The following COG6 variants were observed in gnomAD, a reference collection of about 807,000 sequenced individuals.
COG6 encodes the protein component of oligomeric golgi complex 6.
In COG6, 74 loss-of-function variants were observed where a neutral mutation model predicts 88.8. The ratio of observed to expected loss-of-function variants is 0.83; its 90% CI spans 0.69 to 1.01. The LOEUF (loss-of-function observed/expected upper bound fraction) is 1.01, where lower values mean the gene tolerates loss of function less well. Among genes scored for constraint, COG6 ranks in the 50% least tolerant of loss-of-function variants. COG6 has a pLI of 0.00. For synonymous variants in COG6, 286 were observed against 278.7 expected (o/e 1.03, Z -0.26); for missense variants, 800 against 797.9 (o/e 1.00, Z -0.03).
At chr13:39,681,714 T>A (rs1876325348) in intron 7 of COG6, among the ~76,000 whole-genome samples, 2 of 152,178 alleles carry the variant, frequency 1.3e-5, no homozygotes, top group Non-Finnish European at 2.9e-5. Context: ...AGTTTAAAAT[T>A]CAAACTCTTT....
At chr13:39,728,746 T>A (rs1277820071) in intron 18 of COG6, among the ~76,000 whole-genome samples, 1 of 151,678 alleles carries the variant, frequency 6.6e-6, no homozygotes, top group East Asian at 1.9e-4. Flanking sequence ...CTCAGTGCAA[T>A]CTCTGCCTCC....
chr13:39,675,113 C>T (rs1395124093), intron 4 of COG6, among the ~76,000 whole-genome samples: 1 of 151,902 alleles, frequency 6.6e-6, no homozygotes, highest in Non-Finnish European at 1.5e-5. Flanking sequence ...ATATAATATA[C>T]AGTGATTGCA....
intron 18 of COG6, among the ~76,000 whole-genome samples, chr13:39,739,924 A>G (rs1014019651): frequency 2.6e-5 from 4 of 152,178 alleles, no homozygotes; most frequent in Non-Finnish European, 2.9e-5. Flanking sequence ...GCCAGATTCA[A>G]AATTAACATA....
chr13:39,711,673 G>C lies in COG6; in HGVS notation c.1285-7563G>C, dbSNP rs185703739. 8.9e-4 allele frequency among the ~76,000 whole-genome samples: 135 copies of C among 152,222 alleles called. 1 individual carries two copies. The highest frequency in any genetic ancestry group is 1.0e-3 in the Non-Finnish European group (68 of 68,018). ...CTTAGGCTCATTAGGATTAAATGAAGATCACATGTAAAATACATGGTACAG... is the reference window on the plus strand; with the variant it reads ...CTTAGGCTCATTAGGATTAAATGAACATCACATGTAAAATACATGGTACAG... On this transcript the variant is annotated intron_variant, in intron 13 of 18. Coordinates refer to ENST00000455146, the MANE Select transcript of COG6 (RefSeq NM_020751.3).
At chr13:39,698,042 G>A (rs1478024052) in intron 12 of COG6, among the ~76,000 whole-genome samples, 1 of 151,826 alleles carries the variant, frequency 6.6e-6, no homozygotes. Flanking sequence ...AGGCATGTTG[G>A]ATAGAAATAT....
chr13:39,711,591 TTCC>T (rs559530195), intron 13 of COG6, among the ~76,000 whole-genome samples: 6 of 152,234 alleles, frequency 3.9e-5, no homozygotes, highest in African/African-American at 1.4e-4. Flanking sequence ...ATATTATTCC[TTCC>T]TCCTCCTTCT....
At chr13:39,719,214 G>A (rs1878707357) in intron 13 of COG6, 22 bp from the exon 14 acceptor site, 1 of 1,610,068 alleles carries the variant, frequency 6.2e-7, no homozygotes, top group African/African-American at 1.3e-5. Context: ...ATAAGGAGTG[G>A]GTAAATCATC....
chr13:39,731,872 T>C (rs1290135125), intron 18 of COG6, among the ~76,000 whole-genome samples: 1 of 152,032 alleles, frequency 6.6e-6, no homozygotes, highest in Non-Finnish European at 1.5e-5. Context: ...TGGACAGCTG[T>C]GAACTGAATG....
At chr13:39,727,777 TA>T (rs1241420732) in intron 18 of COG6, among the ~76,000 whole-genome samples, 2 of 152,160 alleles carry the variant, frequency 1.3e-5, no homozygotes, top group Non-Finnish European at 1.5e-5. Flanking sequence ...ACATGATTGT[TA>T]AAATTACTTT....
At chr13:39,775,624 AG>A (rs1881440608) in intron 18 of COG6, among the ~76,000 whole-genome samples, 1 of 152,152 alleles carries the variant, frequency 6.6e-6, no homozygotes. Context: ...ACCTTGCTTG[AG>A]TGGCTCACAA....
intron 13 of COG6, among the ~76,000 whole-genome samples, chr13:39,706,235 T>TTATATATATATATATATACTCCTTTATA (rs372468879): frequency 2.8e-5 from 3 of 106,458 alleles, no homozygotes; most frequent in African/African-American, 1.0e-4. Flanking sequence ...ATATACTCCT[T>TTATATATATATATATATACTCCTTTATA]TATATATATA....
intron 3 of COG6, among the ~76,000 whole-genome samples, chr13:39,664,857 A>G (rs1875144986): frequency 6.6e-6 from 1 of 152,154 alleles, no homozygotes; most frequent in Admixed American, 6.5e-5. Context: ...TTCCTTTGTC[A>G]GTATCTGGAT....
At chr13:39,661,055 AT>A (rs1874867311) in intron 3 of COG6, among the ~76,000 whole-genome samples, 174 bp downstream of exon 3, 1 of 152,170 alleles carries the variant, frequency 6.6e-6, no homozygotes, top group African/African-American at 2.4e-5. Context: ...ATAATGATTT[AT>A]TAATATTGTT....
rs374963782 is a variant in COG6, at chr13:39,662,981, G to T, written c.369+2100G>T. Among the ~76,000 whole-genome samples, 56 of 151,770 alleles carry T rather than the reference G, an allele frequency of 3.7e-4. No homozygotes were observed. The South Asian group carries it at 0.011, about 30-fold the overall frequency. ...TATTTAATATTTTCTGAAATGCTTT[G>T]ACTATGGTACCTTTTAGAAATTATT... On this transcript the variant is annotated intron_variant, in intron 3 of 18. Transcript: ENST00000455146.
chr13:39,670,945 A>G (rs1292086669), intron 4 of COG6, among the ~76,000 whole-genome samples: 2 of 152,136 alleles, frequency 1.3e-5, no homozygotes, highest in Non-Finnish European at 2.9e-5. Flanking sequence ...ATGTAAAAGT[A>G]TATTACAGAA....
chr13:39,702,736 G>A (rs371213742), intron 13 of COG6, among the ~76,000 whole-genome samples: 1 of 152,070 alleles, frequency 6.6e-6, no homozygotes. Flanking sequence ...TAAAGGAGGA[G>A]ACATTAGATT....
intron 3 of COG6, 123 bp downstream of exon 3, chr13:39,661,004 C>A: frequency 1.5e-6 from 1 of 661,750 alleles, no homozygotes; most frequent in Non-Finnish European, 2.7e-6. Context: ...TAAATATAAT[C>A]CTTATTTTTA....
intron 1 of COG6, among the ~76,000 whole-genome samples, chr13:39,658,866 A>G (rs1874700456): frequency 6.6e-6 from 1 of 152,216 alleles, no homozygotes; most frequent in Admixed American, 6.5e-5. Flanking sequence ...TTATTCTTAA[A>G]TAGATCATTC....
chr13:39,661,925 A>G (rs1322049549), intron 3 of COG6, among the ~76,000 whole-genome samples: 2 of 151,622 alleles, frequency 1.3e-5, no homozygotes, highest in Admixed American at 6.6e-5. Flanking sequence ...TTTTTAAATA[A>G]CATTATGCTT....
Sources: gnomAD v4.1 joint callset for allele counts (sites outside exome capture counted in the v4.1 genomes callset) on GRCh38, gnomAD v4.1.1 for gene constraint, MANE v1.5 for transcripts, NCBI Gene and HGNC (gene_info 2026-07-23, HGNC 2026-07-21) for gene names.